The following RPS6KC1 variants were observed in gnomAD, a reference collection of about 807,000 sequenced individuals.
RPS6KC1 encodes inactive ribosomal protein S6 kinase delta-1.
A neutral mutation model predicts 103.8 loss-of-function variants in RPS6KC1; 54 were observed. The observed-to-expected ratio is 0.52, with a 90% CI of 0.42 to 0.65. The LOEUF (loss-of-function observed/expected upper bound fraction) is 0.65, where lower values mean the gene tolerates loss of function less well. Among genes scored for constraint, RPS6KC1 ranks in the 30% least tolerant of loss-of-function variants. The pLI is 0.00. For missense variants in RPS6KC1, 1,151 were observed against 1,253.8 expected (o/e 0.92, Z 1.24); for synonymous variants, 439 against 438.7 (o/e 1.00, Z -0.01).
rs765974995 is a variant in RPS6KC1, at chr1:213,230,510, T to C, written c.1058T>C (p.Met353Thr). The change falls in exon 9 of 15, where the codon ATG becomes ACG. Residue 353 changes from methionine (M) to threonine (T), a missense_variant. By Grantham distance (81) the Met-to-Thr change is moderately conservative. Transcript: ENST00000366960. ...LGVIDKVLLV[M>T]DTRTEQTFIL... Reference sequence around the variant, plus strand: ...TCTTTTATGTAGGTTTTACTTGTAATGGACACAAGGACAGAACAGACTTTC... The same window carrying C: ...TCTTTTATGTAGGTTTTACTTGTAACGGACACAAGGACAGAACAGACTTTC... 1 of 1,605,414 alleles carries C rather than the reference T, an allele frequency of 6.2e-7. No individual in the cohort carries two copies. The highest frequency in any genetic ancestry group is 8.5e-7 in the Non-Finnish European group (1 of 1,175,006).
At chr1:213,395,945 G>A in the RPS6KC1 span, among the ~76,000 whole-genome samples, 75 of 152,350 alleles carry the variant, frequency 4.9e-4, no homozygotes, top group African/African-American at 1.7e-3. Context: ...GGCTCCGAAC[G>A]GAGTCTGGGC....
the RPS6KC1 span, among the ~76,000 whole-genome samples, chr1:213,602,825 C>T: frequency 6.6e-6 from 1 of 152,296 alleles, no homozygotes; most frequent in Non-Finnish European, 1.5e-5. Flanking sequence ...AGTTTGGGGG[C>T]TTTATTTCAT....
chr1:213,335,357 A>C, the RPS6KC1 span, among the ~76,000 whole-genome samples: 1 of 152,330 alleles, frequency 6.6e-6, no homozygotes, highest in Non-Finnish European at 1.5e-5. Context: ...AATCAGATGG[A>C]TACTGATTTC....
At chr1:213,385,302 A>C in the RPS6KC1 span, among the ~76,000 whole-genome samples, 1 of 152,196 alleles carries the variant, frequency 6.6e-6, no homozygotes, top group Admixed American at 6.5e-5. Flanking sequence ...CAACATCCTC[A>C]GGAGGTTGGT....
chr1:213,079,070 A>G (rs1039547677), intron 3 of RPS6KC1, among the ~76,000 whole-genome samples: 1 of 151,934 alleles, frequency 6.6e-6, no homozygotes, highest in Non-Finnish European at 1.5e-5. Context: ...CAGTATATAT[A>G]TTTTTTCTTT....
At chr1:213,288,736 A>G in the RPS6KC1 span, among the ~76,000 whole-genome samples, 5 of 152,202 alleles carry the variant, frequency 3.3e-5, no homozygotes, top group Admixed American at 2.6e-4. Flanking sequence ...CCTGAACTCA[A>G]TCCCTACATT....
chr1:213,529,171 A>G, the RPS6KC1 span, among the ~76,000 whole-genome samples: 1 of 152,104 alleles, frequency 6.6e-6, no homozygotes, highest in African/African-American at 2.4e-5. Context: ...ATAAATGGGA[A>G]GCGCACAGTG....
chr1:213,601,646 G>T, the RPS6KC1 span, among the ~76,000 whole-genome samples: 2 of 151,892 alleles, frequency 1.3e-5, no homozygotes, highest in Non-Finnish European at 2.9e-5. Flanking sequence ...GCCTCACGTG[G>T]CTTCCTGAGG....
At chr1:213,626,774 C>T in the RPS6KC1 span, among the ~76,000 whole-genome samples, 1 of 152,070 alleles carries the variant, frequency 6.6e-6, no homozygotes, top group African/African-American at 2.4e-5. Flanking sequence ...CTGTTCTGTT[C>T]CATTGGCCTA....
the RPS6KC1 span, among the ~76,000 whole-genome samples, chr1:213,774,903 C>T: frequency 7.2e-5 from 11 of 152,240 alleles, no homozygotes; most frequent in South Asian, 2.1e-4. Flanking sequence ...TGGGAGATGC[C>T]GTGGCAACTC....
the RPS6KC1 span, among the ~76,000 whole-genome samples, chr1:213,499,437 G>T: frequency 2.1e-3 from 317 of 152,248 alleles, 1 homozygote; most frequent in African/African-American, 7.2e-3. Flanking sequence ...GGAAGTTGGG[G>T]GATGGTTTTG....
chr1:213,437,802 G>T, the RPS6KC1 span, among the ~76,000 whole-genome samples: 1 of 151,372 alleles, frequency 6.6e-6, no homozygotes, highest in African/African-American at 2.4e-5. Flanking sequence ...TGACTTGAAT[G>T]CTTAGATAAT....
the RPS6KC1 span, among the ~76,000 whole-genome samples, chr1:213,682,252 C>T: frequency 6.6e-6 from 1 of 152,184 alleles, no homozygotes; most frequent in Non-Finnish European, 1.5e-5. Context: ...AAAGTCCATT[C>T]TTCTCCGTCC....
chr1:213,160,991 G>A (rs1450283677), intron 6 of RPS6KC1, among the ~76,000 whole-genome samples: 6 of 150,962 alleles, frequency 4.0e-5, no homozygotes, highest in Non-Finnish European at 7.4e-5. Context: ...AGAACTTAAA[G>A]TATAATAAAA....
At chr1:213,739,421 T>G in the RPS6KC1 span, among the ~76,000 whole-genome samples, 2 of 152,208 alleles carry the variant, frequency 1.3e-5, no homozygotes, top group Admixed American at 6.5e-5. Flanking sequence ...GTCTTTTGAC[T>G]GTGCAGGGGC....
the RPS6KC1 span, among the ~76,000 whole-genome samples, chr1:213,826,854 G>A: frequency 1.2e-4 from 18 of 152,278 alleles, no homozygotes; most frequent in East Asian, 3.5e-3. Flanking sequence ...TTGGATCCAT[G>A]GACAGGAAAT....
the RPS6KC1 span, among the ~76,000 whole-genome samples, chr1:213,469,854 G>A: frequency 8.5e-5 from 13 of 152,062 alleles, no homozygotes; most frequent in Non-Finnish European, 1.2e-4. Flanking sequence ...CCATCTCTAC[G>A]AAAAAGCATT....
chr1:213,630,763 G>A, the RPS6KC1 span, among the ~76,000 whole-genome samples: 1 of 151,846 alleles, frequency 6.6e-6, no homozygotes, highest in African/African-American at 2.4e-5. Flanking sequence ...TGGTGTGGAT[G>A]TCCTTTCTGT....
At chr1:213,519,387 C>T in the RPS6KC1 span, among the ~76,000 whole-genome samples, 30 of 152,146 alleles carry the variant, frequency 2.0e-4, no homozygotes, top group Middle Eastern at 3.4e-3. Context: ...AGTAGCCATA[C>T]GTTTTGCAGA....
Sources: allele counts gnomAD v4.1 joint callset (sites outside exome capture counted in the v4.1 genomes callset), GRCh38; gene constraint gnomAD v4.1.1; transcripts MANE v1.5; gene names NCBI Gene and HGNC (gene_info 2026-07-23, HGNC 2026-07-21).